SS18L1: variants seen among roughly 807,000 people sequenced by gnomAD.
SS18L1 encodes SS18L1 subunit of BAF chromatin remodeling complex.
Under a neutral mutation model 70.3 loss-of-function variants are expected in SS18L1, and 32 were observed. The observed-to-expected ratio is 0.46, with a 90% CI of 0.34 to 0.61. The LOEUF (loss-of-function observed/expected upper bound fraction) is 0.61, where lower values mean the gene tolerates loss of function less well. Among genes scored for constraint, SS18L1 ranks in the 20% least tolerant of loss-of-function variants. SS18L1 has a pLI of 0.01. For synonymous variants in SS18L1, 237 were observed against 229.7 expected (o/e 1.03, Z -0.29); for missense variants, 430 against 542.1 (o/e 0.79, Z 2.05).
chr20:62,144,286 A>G (rs2056980944), intron 1 of SS18L1, among the ~76,000 whole-genome samples: 1 of 152,042 alleles, frequency 6.6e-6, no homozygotes, highest in Middle Eastern at 3.4e-3. Context: ...AGCCGCGGCG[A>G]GGGCTTGTCG....
chr20:62,146,867 C>T (rs1293674440), intron 1 of SS18L1, among the ~76,000 whole-genome samples: 1 of 151,942 alleles, frequency 6.6e-6, no homozygotes, highest in African/African-American at 2.4e-5. Context: ...GATCTGCCCC[C>T]TCCCCCCCTT....
chr20:62,155,993 AAC>A (rs1239998108), intron 1 of SS18L1, among the ~76,000 whole-genome samples: 1 of 136,092 alleles, frequency 7.3e-6, no homozygotes, highest in Non-Finnish European at 1.6e-5. Flanking sequence ...GTATGTGTCT[AAC>A]ATACATGAGA....
rs73309148 is a variant in SS18L1, at chr20:62,157,941, C to T, written c.70-731C>T. Among the ~76,000 whole-genome samples the T allele has an allele frequency of 7.8e-3, 1,187 of 152,308 alleles. 14 individuals are homozygous for T. The highest frequency in any genetic ancestry group is 0.027 in the African/African-American group (1,123 of 41,564). On this transcript the variant is annotated intron_variant, in intron 1 of 10. Transcript: ENST00000331758. ...CTGACCCCCCCAGACCCTTTCCTTC[C>T]CTCCCTCACCGCGGTTGGTGCAGCC...
At chr20:62,157,841 G>T (rs1204387376) in intron 1 of SS18L1, among the ~76,000 whole-genome samples, 6 of 152,056 alleles carry the variant, frequency 3.9e-5, no homozygotes, top group Non-Finnish European at 7.4e-5. Flanking sequence ...GCCCGGTTCC[G>T]CAGTCTCACG....
chr20:62,151,749 G>A (rs986808915), intron 1 of SS18L1, among the ~76,000 whole-genome samples: 2 of 152,168 alleles, frequency 1.3e-5, no homozygotes, highest in African/African-American at 2.4e-5. Flanking sequence ...CACAGGCTTT[G>A]GTTGAGAAAG....
Position 62,181,137 on chromosome 20 carries a change from G to C in SS18L1, c.*1929G>C, listed in dbSNP as rs2057700191. ...TAGGACATTCTCCCCTCTCCTAGGA[G>C]ACGGATGTCACGCACAAATGGGGAG... On this transcript the variant is annotated 3_prime_UTR_variant, in exon 11 of 11. Transcript: ENST00000331758. 5.2e-6 allele frequency: 1 copy of C among 192,780 alleles called. No individual in the cohort carries two copies. Among genetic ancestry groups the C allele is most frequent in the South Asian group, 1.9e-4 (1 of 5,154 alleles). The allele number at this position is 192,780 out of a possible 1,614,324, so 11.9% of individuals were successfully genotyped here.
intron 1 of SS18L1, among the ~76,000 whole-genome samples, chr20:62,157,317 C>T (rs549073636): frequency 1.1e-4 from 17 of 152,310 alleles, no homozygotes; most frequent in African/African-American, 2.4e-4. Flanking sequence ...GGGAGTGCTC[C>T]GGAGCCCTCC....
chr20:62,145,578 T>C (rs2057010701), intron 1 of SS18L1, among the ~76,000 whole-genome samples: 1 of 152,190 alleles, frequency 6.6e-6, no homozygotes, highest in Admixed American at 6.5e-5. Flanking sequence ...ACAGTTCCAT[T>C]GAAGCTCCCC....
At position 62,161,776 on chromosome 20, in the gene SS18L1, G is replaced by A. The variant is rs1040550330; in HGVS notation, c.376+196G>A. On this transcript the variant is annotated intron_variant, in intron 4 of 10. Coordinates refer to ENST00000331758, the MANE Select transcript of SS18L1 (RefSeq NM_198935.3). This position sits in a 1 kb window ranked among gnomAD's most constrained non-coding sequence, Gnocchi z 4.4. ...CGAGCGTGCCGTGCGGCTGGGCTGA[G>A]CCCCTGCTCCAGTTGTCCACTCTCT... Among the ~76,000 whole-genome samples, 1 of 152,232 alleles carries A rather than the reference G, an allele frequency of 6.6e-6. No individual in the cohort carries two copies. Among genetic ancestry groups the A allele is most frequent in the Non-Finnish European group, 1.5e-5 (1 of 68,046 alleles).
chr20:62,164,082 G>A (rs778655010), intron 6 of SS18L1, 63 bp from the exon 7 acceptor site: 49 of 1,466,918 alleles, frequency 3.3e-5, no homozygotes, highest in African/African-American at 2.8e-4. Flanking sequence ...CCCAGTGAGC[G>A]AGCAGGTCCT....
intron 1 of SS18L1, among the ~76,000 whole-genome samples, chr20:62,157,225 C>T (rs1401340507): frequency 6.6e-6 from 1 of 152,196 alleles, no homozygotes; most frequent in Non-Finnish European, 1.5e-5. Context: ...CCCACCCCTC[C>T]CCACTTCTAC....
chr20:62,178,016 C>CTTTTT (rs770157620), intron 10 of SS18L1, among the ~76,000 whole-genome samples: 1 of 101,372 alleles, frequency 9.9e-6, no homozygotes, highest in African/African-American at 4.0e-5. Flanking sequence ...TGTGCCTGGC[C>CTTTTT]TTTTTTTTTT....
chr20:62,170,098 T>G (rs773326912), intron 8 of SS18L1, among the ~76,000 whole-genome samples: 1 of 152,212 alleles, frequency 6.6e-6, no homozygotes, highest in Non-Finnish European at 1.5e-5. Flanking sequence ...TGTCCACATC[T>G]TGCTCCTTCT....
rs530254614 is a variant in SS18L1 at position 62,158,655 on chromosome 20, T to C, written c.70-17T>C. On this transcript the variant is annotated splice_polypyrimidine_tract_variant and intron_variant, in intron 1 of 10. Coordinates refer to ENST00000331758, the MANE Select transcript of SS18L1 (RefSeq NM_198935.3). This position sits in a 1 kb window ranked among gnomAD's most constrained non-coding sequence, Gnocchi z 4.5. ...ACAGCCCCGCGTCGGCAGCGCCCGC[T>C]CACGCTCTCTCCGCAGATGCTGGAC... 300 of 1,611,750 alleles carry C rather than the reference T, an allele frequency of 1.9e-4. 2 individuals are homozygous for C. The highest frequency in any genetic ancestry group is 1.4e-5 in the Non-Finnish European group (17 of 1,179,902).
At position 62,174,056 on chromosome 20, in the gene SS18L1, C is replaced by T. The variant is rs867015019; in HGVS notation, c.1037-461C>T. Reference sequence around the variant, plus strand: ...AAAATTGGCCTCTATCAGTTCTTGCCGGAGCCTTTGACTTAGCCTTCCTAG... The same window carrying T: ...AAAATTGGCCTCTATCAGTTCTTGCTGGAGCCTTTGACTTAGCCTTCCTAG... On this transcript the variant is annotated intron_variant, in intron 9 of 10. Coordinates refer to ENST00000331758, the MANE Select transcript of SS18L1 (RefSeq NM_198935.3). This position sits in a 1 kb window ranked among gnomAD's most constrained non-coding sequence, Gnocchi z 4.1. 1.3e-5 allele frequency among the ~76,000 whole-genome samples: 2 copies of T among 152,044 alleles called. No homozygotes were observed. Among genetic ancestry groups the T allele is most frequent in the Admixed American group, 6.5e-5 (1 of 15,272 alleles).
intron 10 of SS18L1, among the ~76,000 whole-genome samples, chr20:62,176,437 C>T (rs1431242980): frequency 6.6e-6 from 1 of 152,138 alleles, no homozygotes; most frequent in Non-Finnish European, 1.5e-5. Context: ...CCCTTGAGCC[C>T]AGGAGGTCGA....
At chr20:62,147,962 C>G (rs1404801453) in intron 1 of SS18L1, among the ~76,000 whole-genome samples, 1 of 152,200 alleles carries the variant, frequency 6.6e-6, no homozygotes, top group Non-Finnish European at 1.5e-5. Context: ...GTGGAACTTG[C>G]TGTCTGAAGG....
intron 1 of SS18L1, among the ~76,000 whole-genome samples, chr20:62,146,024 CA>C (rs2057018818): frequency 1.3e-5 from 2 of 148,790 alleles, no homozygotes; most frequent in Non-Finnish European, 1.5e-5. Context: ...AAGAGGTCTA[CA>C]ACTTGTCCTT....
At chr20:62,154,079 C>T (rs907646930) in intron 1 of SS18L1, among the ~76,000 whole-genome samples, 4 of 152,160 alleles carry the variant, frequency 2.6e-5, no homozygotes, top group Non-Finnish European at 1.5e-5. Context: ...TTGCTGCCAA[C>T]GAGGACATGA....
Sources: gnomAD v4.1 joint callset for allele counts (sites outside exome capture counted in the v4.1 genomes callset) on GRCh38, gnomAD v4.1.1 for gene constraint, Gnocchi (gnomAD v3.1) non-coding constraint, MANE v1.5 for transcripts, NCBI Gene and HGNC (gene_info 2026-07-23, HGNC 2026-07-21) for gene names.